ENOX1: variants seen among roughly 807,000 people sequenced by gnomAD.
ENOX1 encodes candidate growth-related and time keeping constitutive hydroquinone (NADH) oxidase.
ENOX1 carries 42 observed loss-of-function variants against 82.5 expected under a neutral mutation model. That is an observed-to-expected ratio of 0.51 (90% CI 0.40 to 0.66). ENOX1 has a LOEUF of 0.66. ENOX1 is among the 30% of genes least tolerant of loss of function. ENOX1 has a pLI of 0.00. For missense variants in ENOX1, 608 were observed against 811.6 expected (o/e 0.75, Z 3.05); for synonymous variants, 271 against 282.2 (o/e 0.96, Z 0.40).
At chr13:43,310,318 G>T (rs1267597502) in intron 11 of ENOX1, among the ~76,000 whole-genome samples, 1 of 151,018 alleles carries the variant, frequency 6.6e-6, no homozygotes, top group African/African-American at 2.4e-5. Context: ...TTGAGAAACA[G>T]AGCTGTTTGG....
intron 2 of ENOX1, among the ~76,000 whole-genome samples, chr13:43,648,837 T>C (rs1248009569): frequency 6.6e-6 from 1 of 152,226 alleles, no homozygotes; most frequent in African/African-American, 2.4e-5. Context: ...CTCAGCGTTC[T>C]CCTTATCTGA....
chr13:43,336,499 C>A (rs556752007), intron 9 of ENOX1, among the ~76,000 whole-genome samples: 1 of 152,354 alleles, frequency 6.6e-6, no homozygotes, highest in African/African-American at 2.4e-5. Flanking sequence ...ATCTTCAGCA[C>A]CTGCAGAATG....
intron 1 of ENOX1, among the ~76,000 whole-genome samples, chr13:43,706,657 C>A (rs1410156874): frequency 6.6e-6 from 1 of 150,508 alleles, no homozygotes; most frequent in East Asian, 1.9e-4. Flanking sequence ...AAACTATGAT[C>A]ATTGTAAGAG....
Position 43,412,036 on chromosome 13 carries a change from T to C in ENOX1, c.88A>G (p.Ser30Gly), listed in dbSNP as rs754268986. ...MMAAAADGLGSIAIDTTQLNM... is the reference protein window; with the variant it reads ...MMAAAADGLGGIAIDTTQLNM... ...AGCTGGGTCGTGTCTATCGCTATAC[T>C]CCCCAAACCATCGGCTGCTGTGGGG... The change falls in exon 5 of 17, where the codon AGT (serine) becomes GGT (glycine). Residue 30 changes from serine to glycine, a missense_variant. Coordinates refer to ENST00000690772, the MANE Select transcript of ENOX1 (RefSeq NM_001347969.2). 1 of 1,613,746 alleles carries C rather than the reference T, an allele frequency of 6.2e-7. No individual in the cohort carries two copies. Among genetic ancestry groups the C allele is most frequent in the East Asian group, 2.2e-5 (1 of 44,876 alleles).
At chr13:43,681,245 G>A (rs556954464) in intron 1 of ENOX1, among the ~76,000 whole-genome samples, 7 of 152,268 alleles carry the variant, frequency 4.6e-5, no homozygotes, top group African/African-American at 1.4e-4. Context: ...GAATGGAAAA[G>A]GCTTTAGAAG....
At chr13:43,370,920 C>T (rs1294943645) in intron 5 of ENOX1, among the ~76,000 whole-genome samples, 1 of 152,050 alleles carries the variant, frequency 6.6e-6, no homozygotes, top group Non-Finnish European at 1.5e-5. Flanking sequence ...CCCCTCCTGC[C>T]CTTCCTCCCT....
intron 2 of ENOX1, among the ~76,000 whole-genome samples, chr13:43,645,596 C>A (rs1465028594): frequency 6.6e-6 from 1 of 152,190 alleles, no homozygotes; most frequent in Non-Finnish European, 1.5e-5. Flanking sequence ...TGTAAACAAT[C>A]TTTCATTACA....
chr13:43,273,739 G>A (rs989159531), intron 12 of ENOX1, among the ~76,000 whole-genome samples: 7 of 152,184 alleles, frequency 4.6e-5, no homozygotes, highest in African/African-American at 1.4e-4. Context: ...AAATGCGGTA[G>A]CCTTGGGTTC....
intron 5 of ENOX1, among the ~76,000 whole-genome samples, chr13:43,387,754 GCA>G (rs1315972598): frequency 6.6e-6 from 1 of 151,416 alleles, no homozygotes; most frequent in African/African-American, 2.4e-5. Flanking sequence ...ATATGTAAAT[GCA>G]CACATATATA....
At chr13:43,279,023 T>A (rs190185385) in intron 12 of ENOX1, among the ~76,000 whole-genome samples, 1 of 152,102 alleles carries the variant, frequency 6.6e-6, no homozygotes, top group African/African-American at 2.4e-5. Flanking sequence ...GGTGCACAAT[T>A]ATCAGGCAGC....
intron 2 of ENOX1, among the ~76,000 whole-genome samples, chr13:43,577,515 C>T (rs1019801017): frequency 6.6e-6 from 1 of 152,142 alleles, no homozygotes; most frequent in South Asian, 2.1e-4. Flanking sequence ...GGCTGTATTC[C>T]CCTAAGGGGA....
chr13:43,233,111 G>C (rs1481401445), intron 15 of ENOX1, among the ~76,000 whole-genome samples: 2 of 152,144 alleles, frequency 1.3e-5, no homozygotes, highest in Non-Finnish European at 2.9e-5. Flanking sequence ...TTCTGGCATA[G>C]ACATTGAGCA....
chr13:43,632,986 CA>C (rs2083279747), intron 2 of ENOX1, among the ~76,000 whole-genome samples: 1 of 152,048 alleles, frequency 6.6e-6, no homozygotes, highest in Non-Finnish European at 1.5e-5. Context: ...CTTCTGCTAT[CA>C]TTTACTTTTT....
At chr13:43,316,545 T>C (rs2047498254) in intron 11 of ENOX1, among the ~76,000 whole-genome samples, 2 of 151,924 alleles carry the variant, frequency 1.3e-5, no homozygotes, top group South Asian at 4.2e-4. Flanking sequence ...GCAGAAGGAG[T>C]GCTTCCATTG....
intron 2 of ENOX1, among the ~76,000 whole-genome samples, chr13:43,516,312 A>T (rs1365998528): frequency 6.6e-6 from 1 of 152,182 alleles, no homozygotes; most frequent in Non-Finnish European, 1.5e-5. Flanking sequence ...TCATGATGTA[A>T]GTCAGTGGGA....
At chr13:43,406,487 G>A (rs534938562) in intron 5 of ENOX1, among the ~76,000 whole-genome samples, 126 of 134,748 alleles carry the variant, frequency 9.4e-4, no homozygotes, top group Non-Finnish European at 1.5e-3. Context: ...TGGGAAGTAT[G>A]TTGTCTTTTT....
intron 2 of ENOX1, among the ~76,000 whole-genome samples, chr13:43,530,800 C>T (rs2078176792): frequency 6.6e-6 from 1 of 151,776 alleles, no homozygotes; most frequent in African/African-American, 2.4e-5. Context: ...TTATTTAAAC[C>T]CAGTTAATGA....
In ENOX1 at chr13:43,448,511, C is replaced by A. The variant is rs188587648; in HGVS notation, c.-75+35498G>T. Among the ~76,000 whole-genome samples, 485 of 152,138 alleles carry A rather than the reference C, an allele frequency of 3.2e-3. 1 individual carries two copies. Among genetic ancestry groups the A allele is most frequent in the African/African-American group, 0.011 (469 of 41,502 alleles). On this transcript the variant is annotated intron_variant, in intron 3 of 16. Transcript: ENST00000690772. Reference sequence around the variant, plus strand: ...TAGCCTTGAGGCTATAGTTATAAGACAAATTGACTATATTTTATTGGGAGA... The same window carrying A: ...TAGCCTTGAGGCTATAGTTATAAGAAAAATTGACTATATTTTATTGGGAGA...
chr13:43,402,765 C>A (rs1164346254), intron 5 of ENOX1, among the ~76,000 whole-genome samples: 1 of 152,196 alleles, frequency 6.6e-6, no homozygotes, highest in African/African-American at 2.4e-5. Context: ...AATTCACATG[C>A]ATGCACACAC....
Sources: allele counts gnomAD v4.1 joint callset (sites outside exome capture counted in the v4.1 genomes callset), GRCh38; gene constraint gnomAD v4.1.1; transcripts MANE v1.5; gene names NCBI Gene and HGNC (gene_info 2026-07-23, HGNC 2026-07-21).